The following WWOX variants were observed in gnomAD, a reference collection of about 807,000 sequenced individuals.
WWOX encodes WW domain-containing oxidoreductase.
WWOX carries 69 observed loss-of-function variants against 46.2 expected under a neutral mutation model. That is an observed-to-expected ratio of 1.49 (90% CI 1.23 to 1.82). WWOX has a LOEUF of 1.82. Ranked by LOEUF, WWOX falls within the 40% of genes most tolerant of loss-of-function variation. The pLI is 0.00. For synonymous variants in WWOX, 359 were observed against 202.6 expected (o/e 1.77, Z -6.56); for missense variants, 919 against 542.6 (o/e 1.69, Z -6.89).
At chr16:78,577,066 C>G (rs1406328719) in intron 8 of WWOX, among the ~76,000 whole-genome samples, 3 of 152,158 alleles carry the variant, frequency 2.0e-5, no homozygotes, top group Non-Finnish European at 2.9e-5. Flanking sequence ...TTCTATAGCT[C>G]AGGTTGAAAG....
intron 8 of WWOX, among the ~76,000 whole-genome samples, chr16:78,601,973 C>G (rs1187149548): frequency 6.6e-6 from 1 of 152,084 alleles, no homozygotes; most frequent in Non-Finnish European, 1.5e-5. Context: ...CAGTGTCTGT[C>G]TAACAATAAA....
chr16:79,150,226 G>A (rs2050252765), intron 8 of WWOX, among the ~76,000 whole-genome samples: 1 of 152,164 alleles, frequency 6.6e-6, no homozygotes, highest in Admixed American at 6.5e-5. Flanking sequence ...ATAGATTCAT[G>A]GAACTGTCAA....
At chr16:78,534,755 G>A (rs574250490) in intron 8 of WWOX, among the ~76,000 whole-genome samples, 4 of 151,454 alleles carry the variant, frequency 2.6e-5, no homozygotes, top group African/African-American at 9.7e-5. Context: ...CTGTCTCCAG[G>A]CTGGAGTGCA....
chr16:78,986,756 A>T (rs148467950), intron 8 of WWOX, among the ~76,000 whole-genome samples: 1 of 152,232 alleles, frequency 6.6e-6, no homozygotes, highest in Non-Finnish European at 1.5e-5. Context: ...ATTTCTTGAT[A>T]GCTTCAGAAG....
At chr16:78,256,834 T>C (rs952048681) in intron 5 of WWOX, among the ~76,000 whole-genome samples, 3 of 152,236 alleles carry the variant, frequency 2.0e-5, no homozygotes, top group African/African-American at 4.8e-5. Context: ...TGCATACCTG[T>C]AGAAGTCTCT....
intron 7 of WWOX, 133 bp from the exon 8 acceptor site, chr16:78,432,355 C>G (rs2083241396): frequency 8.1e-7 from 1 of 1,239,554 alleles, no homozygotes. Flanking sequence ...ATCCACTCGT[C>G]TAAGACTCCC....
chr16:78,837,950 A>G (rs1255177178), intron 8 of WWOX, among the ~76,000 whole-genome samples: 1 of 152,172 alleles, frequency 6.6e-6, no homozygotes, highest in African/African-American at 2.4e-5. Context: ...AGAAAGCTTG[A>G]ATGAGTAAAT....
chr16:78,601,621 A>T lies in WWOX; in HGVS notation c.1056+168869A>T, dbSNP rs2045625419. On this transcript the variant is annotated intron_variant, in intron 8 of 8. Transcript: ENST00000566780. Reference sequence around the variant, plus strand: ...CGTGGTGTAAAATATATACTTTCTAATGTAAATCAAGAAGCTATGAATACC... The same window carrying T: ...CGTGGTGTAAAATATATACTTTCTATTGTAAATCAAGAAGCTATGAATACC... Among the ~76,000 whole-genome samples the T allele has an allele frequency of 2.0e-5, 3 of 152,354 alleles. 1 individual carries two copies. In the Middle Eastern group the frequency reaches 0.01, roughly 518 times the overall value.
At chr16:78,982,175 C>T (rs986657871) in intron 8 of WWOX, among the ~76,000 whole-genome samples, 1 of 152,112 alleles carries the variant, frequency 6.6e-6, no homozygotes, top group Admixed American at 6.6e-5. Flanking sequence ...AAGAAACGAC[C>T]CCAAACAGCC....
At chr16:78,608,296 C>G (rs1022861779) in intron 8 of WWOX, among the ~76,000 whole-genome samples, 1 of 152,198 alleles carries the variant, frequency 6.6e-6, no homozygotes, top group Non-Finnish European at 1.5e-5. Flanking sequence ...AGGCCAGTTT[C>G]TCTACTGCAG....
intron 8 of WWOX, among the ~76,000 whole-genome samples, chr16:78,975,754 A>G (rs2046559326): frequency 6.6e-6 from 1 of 152,168 alleles, no homozygotes; most frequent in Non-Finnish European, 1.5e-5. Context: ...GCCTTTGGGC[A>G]AGCGGAGGTC....
intron 5 of WWOX, among the ~76,000 whole-genome samples, chr16:78,198,246 C>A (rs951276965): frequency 6.6e-6 from 1 of 152,102 alleles, no homozygotes; most frequent in Admixed American, 6.5e-5. Flanking sequence ...ATAGGACATC[C>A]CCAGCATTCA....
intron 5 of WWOX, among the ~76,000 whole-genome samples, chr16:78,221,086 G>C (rs1463540761): frequency 2.0e-5 from 3 of 152,120 alleles, no homozygotes; most frequent in Non-Finnish European, 4.4e-5. Context: ...ACATCACAGA[G>C]TTAAGCTCGG....
intron 8 of WWOX, among the ~76,000 whole-genome samples, chr16:79,007,452 A>G (rs953136772): frequency 6.6e-6 from 1 of 152,216 alleles, no homozygotes; most frequent in African/African-American, 2.4e-5. Flanking sequence ...ATTGGAGAAG[A>G]TGAGGCCAGG....
intron 8 of WWOX, chr16:79,101,867 C>T (rs756041915): frequency 4.6e-5 from 7 of 150,800 alleles, no homozygotes; most frequent in Admixed American, 6.6e-5. Context: ...AGAAGTACAG[C>T]GTTTTGGAGA....
rs191063577 is a variant in WWOX at position 78,506,277 on chromosome 16, C to T, written c.1056+73525C>T. On this transcript the variant is annotated intron_variant, in intron 8 of 8. Transcript: ENST00000566780. ...CAAGAGTCCAAGCGTGTTTTTGGCGCGTGCTGACACTCTATATCGCTTTTG... is the reference window on the plus strand; with the variant it reads ...CAAGAGTCCAAGCGTGTTTTTGGCGTGTGCTGACACTCTATATCGCTTTTG... Among the ~76,000 whole-genome samples, 25 of 152,308 alleles carry T rather than the reference C, an allele frequency of 1.6e-4. No homozygotes were observed. In the East Asian group the frequency reaches 3.3e-3, roughly 20 times the overall value.
chr16:78,568,216 A>G (rs2044622504), intron 8 of WWOX, among the ~76,000 whole-genome samples: 1 of 152,148 alleles, frequency 6.6e-6, no homozygotes, highest in South Asian at 2.1e-4. Context: ...TCGGCTGTGC[A>G]TAGTAACTGC....
chr16:79,057,675 C>T (rs188512962), intron 8 of WWOX, among the ~76,000 whole-genome samples: 6 of 152,176 alleles, frequency 3.9e-5, no homozygotes, highest in Admixed American at 1.3e-4. Context: ...AGGAACTGGC[C>T]TACTATGGTA....
chr16:78,266,092 T>C (rs893665303), intron 5 of WWOX: 4 of 152,188 alleles, frequency 2.6e-5, no homozygotes, highest in Admixed American at 6.5e-5. Context: ...AAACTGTCTC[T>C]GATATGAAGG....
Sources: allele counts gnomAD v4.1 joint callset (sites outside exome capture counted in the v4.1 genomes callset), GRCh38; gene constraint gnomAD v4.1.1; transcripts MANE v1.5; gene names NCBI Gene and HGNC (gene_info 2026-07-23, HGNC 2026-07-21).